The following CACNB4 variants were observed in gnomAD, a reference collection of about 807,000 sequenced individuals.
CACNB4 encodes the protein calcium voltage-gated channel auxiliary subunit beta 4.
A neutral mutation model predicts 71.2 loss-of-function variants in CACNB4; 32 were observed. That is an observed-to-expected ratio of 0.45 (90% CI 0.34 to 0.60). The LOEUF (loss-of-function observed/expected upper bound fraction) is 0.60. Among genes scored for constraint, CACNB4 ranks in the 20% least tolerant of loss-of-function variants. The pLI is 0.01. For missense variants in CACNB4, 464 were observed against 647.9 expected, an observed-to-expected ratio of 0.72 and a Z score of 3.08; for synonymous variants, 231 against 236.9, an observed-to-expected ratio of 0.97 and a Z score of 0.23.
At position 152,098,991 on chromosome 2, in the gene CACNB4, G is replaced by C. The variant is rs1474845450; in HGVS notation, c.21C>G (p.Ala7=). 5.2e-6 allele frequency: 8 copies of C among 1,536,150 alleles called. No individual in the cohort carries two copies. Among genetic ancestry groups the C allele is most frequent in the Non-Finnish European group, 6.1e-6 (7 of 1,143,592 alleles). The change falls in exon 1 of 14, where the codon GCC becomes GCG. Residue 7 remains alanine (A), a synonymous_variant. Coordinates refer to ENST00000539935, the MANE Select transcript of CACNB4 (RefSeq NM_000726.5). This position sits in a 1 kb window ranked among gnomAD's most constrained non-coding sequence, Gnocchi z 5.3. ...GCGGCCCGTCCGCGGTCCCGTTCTT[G>C]GCGTAGGAGGAGGAGGACATCGTTC... MSSSSY[A]KNGTADGPHS... is the part of the protein sequence containing the mutation.
At chr2:151,945,573 C>G (rs1385761711) in intron 2 of CACNB4, among the ~76,000 whole-genome samples, 2 of 152,044 alleles carry the variant, frequency 1.3e-5, no homozygotes, top group Non-Finnish European at 2.9e-5. Flanking sequence ...ATCACCTGGT[C>G]CCTGGAAGTA....
rs1214795440 is a variant in CACNB4 at position 151,837,062 on chromosome 2, C to T, written c.*2057G>A. ...ATATATTTTTGTTTGCTGGAAGATGCTCTTCTGTGTTCTAACAAAGTATTC... is the reference window on the plus strand; with the variant it reads ...ATATATTTTTGTTTGCTGGAAGATGTTCTTCTGTGTTCTAACAAAGTATTC... On this transcript the variant is annotated 3_prime_UTR_variant, in exon 14 of 14. Transcript: ENST00000539935. 1 of 151,958 alleles carries T rather than the reference C, an allele frequency of 6.6e-6. No homozygotes were observed. Among genetic ancestry groups the T allele is most frequent in the African/African-American group, 2.4e-5 (1 of 41,414 alleles). The allele number at this position is 151,958 out of a possible 1,614,324, so 9.4% of individuals were successfully genotyped here. A position where few individuals can be genotyped will look rare whatever the true frequency, so the allele number is the denominator to read the frequency against.
chr2:151,842,847 T>G (rs190916926), intron 12 of CACNB4, among the ~76,000 whole-genome samples: 3 of 152,176 alleles, frequency 2.0e-5, no homozygotes, highest in Admixed American at 1.3e-4. Flanking sequence ...GGAATAAACA[T>G]TTTTTCTCCT....
chr2:152,070,974 C>G (rs1211986921), intron 2 of CACNB4, among the ~76,000 whole-genome samples: 1 of 152,216 alleles, frequency 6.6e-6, no homozygotes. Flanking sequence ...GCCATGTTGG[C>G]CTGGCTGGTC....
chr2:152,047,736 T>G (rs560499500), intron 2 of CACNB4, among the ~76,000 whole-genome samples: 4 of 152,054 alleles, frequency 2.6e-5, no homozygotes, highest in African/African-American at 9.7e-5. Flanking sequence ...CTATCTCTAC[T>G]AAAAATACAA....
At chr2:152,014,863 G>A (rs1447374571) in intron 2 of CACNB4, among the ~76,000 whole-genome samples, 2 of 152,148 alleles carry the variant, frequency 1.3e-5, no homozygotes, top group African/African-American at 4.8e-5. Flanking sequence ...TGCAGTCACT[G>A]TGTTCCACTA....
At chr2:152,058,895 C>A (rs1685862169) in intron 2 of CACNB4, among the ~76,000 whole-genome samples, 1 of 152,230 alleles carries the variant, frequency 6.6e-6, no homozygotes, top group African/African-American at 2.4e-5. Flanking sequence ...CTGTATGTAG[C>A]CTCTTGGTGC....
intron 2 of CACNB4, among the ~76,000 whole-genome samples, chr2:151,902,651 T>C (rs1401152349): frequency 6.6e-6 from 1 of 152,164 alleles, no homozygotes; most frequent in East Asian, 1.9e-4. Context: ...AGCTCAGTTC[T>C]AGCTTTCTTC....
At chr2:152,052,680 AT>A (rs1397172566) in intron 2 of CACNB4, among the ~76,000 whole-genome samples, 3 of 152,102 alleles carry the variant, frequency 2.0e-5, no homozygotes, top group Non-Finnish European at 4.4e-5. Context: ...ATTCTATTGT[AT>A]AGAAATACCA....
Position 151,839,042 on chromosome 2 carries a change from C to A in CACNB4, c.*77G>T. On this transcript the variant is annotated 3_prime_UTR_variant, in exon 14 of 14. Transcript: ENST00000539935. ...ACAGTAAATACTGTGCTATGTTAGC[C>A]AAGTTAAGATGATTGGTTTATCCTA... 7.5e-7 allele frequency: 1 copy of A among 1,333,586 alleles called. No individual in the cohort carries two copies. Among genetic ancestry groups the A allele is most frequent in the South Asian group, 1.4e-5 (1 of 72,066 alleles). The allele number at this position is 1,333,586 out of a possible 1,614,324, so 82.6% of individuals were successfully genotyped here. A position where few individuals can be genotyped will look rare whatever the true frequency, so the allele number is the denominator to read the frequency against.
At chr2:151,850,589 A>C (rs114692398) in intron 12 of CACNB4, 2,401 of 152,284 alleles carry the variant, frequency 0.016, 33 homozygotes, top group Non-Finnish European at 0.023. Context: ...TCTCAGTTCC[A>C]TCATTTGTAA....
At chr2:151,967,112 AT>A (rs2099871346) in intron 2 of CACNB4, 1 of 141,428 alleles carries the variant, frequency 7.1e-6, no homozygotes, top group Admixed American at 7.6e-5. Flanking sequence ...CAGTGGCATG[AT>A]CAGGCCTCAC....
In CACNB4 at chr2:152,098,793, G is replaced by GT; in HGVS notation, c.63+155_63+156insA. 1.1e-6 allele frequency: 1 copy of GT among 891,706 alleles called. No individual in the cohort carries two copies. 55.2% of individuals were successfully genotyped at this position (891,706 alleles called of 1,614,324 possible). A position where few individuals can be genotyped will look rare whatever the true frequency, so the allele number is the denominator to read the frequency against. On this transcript the variant is annotated intron_variant, in intron 1 of 13. Coordinates refer to ENST00000539935, the MANE Select transcript of CACNB4 (RefSeq NM_000726.5). This position sits in a 1 kb window ranked among gnomAD's most constrained non-coding sequence, Gnocchi z 5.3. ...AGGAGAAAGAGGAGGAGCGGGAGGA[G>GT]AAAGGGACGTGGAGGAGGGGTGGGG...
At position 151,855,260 on chromosome 2, in the gene CACNB4, T is replaced by C. The variant is rs532162701; in HGVS notation, c.984A>G (p.Ala328=). The C allele has an allele frequency of 5.1e-6, 8 of 1,569,794 alleles. No individual in the cohort carries two copies. The highest frequency in any genetic ancestry group is 3.4e-4 in the Middle Eastern group (2 of 5,868). ...HPAQLIKTSL[A]PIIVHVKVSS... ...AGACTTTTACATGAACAATAATTGG[T>C]GCTAAGGAAGTCTTTATAAGTTGTG... Residue 328 remains alanine (A), a synonymous_variant, in exon 11 of 14, where the codon GCA becomes GCG. Transcript: ENST00000539935.
intron 2 of CACNB4, among the ~76,000 whole-genome samples, chr2:152,092,658 C>A (rs1688038663): frequency 6.6e-6 from 1 of 151,842 alleles, no homozygotes; most frequent in Non-Finnish European, 1.5e-5. Flanking sequence ...GTCTTAAATG[C>A]ATTTCCATAT....
chr2:151,855,643 C>T (rs1019392738), intron 10 of CACNB4, among the ~76,000 whole-genome samples: 25 of 152,170 alleles, frequency 1.6e-4, no homozygotes, highest in East Asian at 1.9e-4. Flanking sequence ...TATATAACTA[C>T]GATGATTATT....
intron 2 of CACNB4, among the ~76,000 whole-genome samples, chr2:151,942,970 C>T (rs2099864643): frequency 6.6e-6 from 1 of 152,132 alleles, no homozygotes; most frequent in African/African-American, 2.4e-5. Context: ...TTGTTGGACC[C>T]TTATCAGTAG....
At chr2:151,905,589 AG>A (rs1238878898) in intron 2 of CACNB4, among the ~76,000 whole-genome samples, 1 of 152,250 alleles carries the variant, frequency 6.6e-6, no homozygotes, top group Non-Finnish European at 1.5e-5. Flanking sequence ...AATATAAAGT[AG>A]GGATCAGGTT....
At chr2:152,095,545 G>A (rs1688220046) in intron 2 of CACNB4, among the ~76,000 whole-genome samples, 1 of 151,792 alleles carries the variant, frequency 6.6e-6, no homozygotes, top group South Asian at 2.1e-4. Context: ...CTTCTTCAAA[G>A]GCATCACAAA....
Sources: allele counts gnomAD v4.1 joint callset (sites outside exome capture counted in the v4.1 genomes callset), GRCh38; gene constraint gnomAD v4.1.1; non-coding constraint Gnocchi (gnomAD v3.1); transcripts MANE v1.5; gene names NCBI Gene and HGNC (gene_info 2026-07-23, HGNC 2026-07-21).